AKAP11: variants seen among roughly 807,000 people sequenced by gnomAD.
AKAP11 encodes the protein A-kinase anchoring protein 11, also known as A-kinase anchor protein 11.
Under a neutral mutation model 146.1 loss-of-function variants are expected in AKAP11, and 36 were observed. The observed-to-expected ratio is 0.25, with a 90% CI of 0.19 to 0.33. AKAP11 has a LOEUF of 0.33. AKAP11 is among the 10% of genes least tolerant of loss of function. The pLI is 1.00. For missense variants in AKAP11, 2,201 were observed against 2,197.0 expected, an observed-to-expected ratio of 1.00 and a Z score of -0.04; for synonymous variants, 780 against 786.5, an observed-to-expected ratio of 0.99 and a Z score of 0.14.
At position 42,323,080 on chromosome 13, in the gene AKAP11, A is replaced by G. The variant is rs532603044; in HGVS notation, c.*3852A>G. 2 of 152,874 alleles carry G rather than the reference A, an allele frequency of 1.3e-5. No homozygotes were observed. The highest frequency in any genetic ancestry group is 1.9e-4 in the East Asian group (1 of 5,330). The allele number at this position is 152,874 out of a possible 1,614,324, so 9.5% of individuals were successfully genotyped here. ...CTTTTTTGCTTTTCAGTAATTTAAT[A>G]TGTTCACTTAACAAAATACGAACTT... On this transcript the variant is annotated 3_prime_UTR_variant, in exon 13 of 13. Transcript: ENST00000025301.
rs1594328252 is a variant in AKAP11 at position 42,298,599 on chromosome 13, T to G, written c.418T>G (p.Phe140Val). 2 of 1,612,688 alleles carry G rather than the reference T, an allele frequency of 1.2e-6. No individual in the cohort carries two copies. The highest frequency in any genetic ancestry group is 1.7e-6 in the Non-Finnish European group (2 of 1,179,342). The change falls in exon 7 of 13, where the codon TTT (phenylalanine) becomes GTT (valine). Residue 140 changes from phenylalanine (F) to valine (V), a missense_variant. By Grantham distance (50) the Phe-to-Val change is conservative. This residue lies in a region of AKAP11 where 331 missense variants were observed against 347.4 expected (regional missense o/e 0.95). Coordinates refer to ENST00000025301, the MANE Select transcript of AKAP11 (RefSeq NM_016248.4). ...SPTSPRLRID[F>V]IFSLLSKYAT... is the part of the protein sequence containing the mutation. ...TACATCACCAAGACTTAGGATTGAT[T>G]TTATCTTTAGTCTCCTAAGTAAATA...
intron 8 of AKAP11, among the ~76,000 whole-genome samples, chr13:42,307,730 A>G (rs939089878): frequency 4.6e-5 from 7 of 152,152 alleles, no homozygotes; most frequent in Non-Finnish European, 8.8e-5. Flanking sequence ...GATGGATGTT[A>G]TAAGAGGGGA....
At chr13:42,306,180 A>G (rs1209233357) in intron 8 of AKAP11, among the ~76,000 whole-genome samples, 1 of 152,248 alleles carries the variant, frequency 6.6e-6, no homozygotes, top group Admixed American at 6.5e-5. Flanking sequence ...TAGTATGATA[A>G]TAAACATAAT....
upstream of AKAP11, among the ~76,000 whole-genome samples, chr13:42,271,529 T>C (rs779112363): frequency 3.2e-4 from 49 of 152,168 alleles, no homozygotes; most frequent in Admixed American, 1.4e-3. Flanking sequence ...CCTTCGGATC[T>C]GGTGGGGCTG....
At chr13:42,287,728 T>C (rs978368744) in intron 3 of AKAP11, among the ~76,000 whole-genome samples, 1 of 152,226 alleles carries the variant, frequency 6.6e-6, no homozygotes, top group Non-Finnish European at 1.5e-5. Context: ...TTTATTATAC[T>C]TTTTCAGATT....
At chr13:42,291,655 G>A (rs183818255) in intron 3 of AKAP11, among the ~76,000 whole-genome samples, 45 of 152,292 alleles carry the variant, frequency 3.0e-4, no homozygotes, top group African/African-American at 8.2e-4. Context: ...ATCTTCACAG[G>A]TCTTGGGATG....
In AKAP11 at chr13:42,300,800, T is replaced by C. The variant is rs369832802; in HGVS notation, c.2054T>C (p.Val685Ala). 9.3e-6 allele frequency: 15 copies of C among 1,614,118 alleles called. No homozygotes were observed. The Admixed American group carries it at 1.2e-4, about 13-fold the overall frequency. The change falls in exon 8 of 13, where the codon GTA (valine) becomes GCA (alanine). Residue 685 changes from valine (V) to alanine (A), a missense_variant. By Grantham distance (64) the Val-to-Ala change is moderately conservative. Coordinates refer to ENST00000025301, the MANE Select transcript of AKAP11 (RefSeq NM_016248.4). Reference sequence around the variant, plus strand: ...GGGTCGTTTGACTTTGAAGACAAAGTAGTGAAGTTGTATGCAAAAGATTTG... The same window carrying C: ...GGGTCGTTTGACTTTGAAGACAAAGCAGTGAAGTTGTATGCAAAAGATTTG... ...QCGSFDFEDK[V>A]VKLYAKDLSE...
intron 11 of AKAP11, 102 bp downstream of exon 11, chr13:42,314,042 TAA>T (rs1304148727): frequency 2.7e-6 from 3 of 1,109,198 alleles, no homozygotes. Context: ...GTTATCAGTG[TAA>T]AACATTATAA....
At chr13:42,288,498 C>G (rs951750897) in intron 3 of AKAP11, among the ~76,000 whole-genome samples, 1 of 152,168 alleles carries the variant, frequency 6.6e-6, no homozygotes, top group African/African-American at 2.4e-5. Flanking sequence ...ATGCTTCTCC[C>G]AGGAATAACA....
At chr13:42,294,642 C>G (rs1455204031) in intron 4 of AKAP11, among the ~76,000 whole-genome samples, 1 of 152,060 alleles carries the variant, frequency 6.6e-6, no homozygotes, top group African/African-American at 2.4e-5. Context: ...CTCAAGTGAT[C>G]CATCCACCTC....
intron 1 of AKAP11, among the ~76,000 whole-genome samples, chr13:42,281,499 G>T (rs1352329109): frequency 6.6e-6 from 1 of 152,078 alleles, no homozygotes; most frequent in Non-Finnish European, 1.5e-5. Context: ...ATACAAAAAA[G>T]GTCAAGTAAT....
intron 1 of AKAP11, among the ~76,000 whole-genome samples, chr13:42,284,570 A>G (rs1362125467): frequency 6.6e-6 from 1 of 152,162 alleles, no homozygotes; most frequent in South Asian, 2.1e-4. Flanking sequence ...TGTTTTGATA[A>G]TTTTTGGTCC....
chr13:42,312,269 C>G (rs1175951750), intron 9 of AKAP11, among the ~76,000 whole-genome samples: 1 of 151,970 alleles, frequency 6.6e-6, no homozygotes, highest in East Asian at 1.9e-4. Context: ...AACATGGTTG[C>G]TTTTTTTAAA....
Position 42,302,845 on chromosome 13 carries a change from T to C in AKAP11, c.4099T>C (p.Tyr1367His). 6.2e-7 allele frequency: 1 copy of C among 1,614,068 alleles called. No homozygotes were observed. The highest frequency in any genetic ancestry group is 1.3e-5 in the African/African-American group (1 of 75,022). Residue 1367 changes from tyrosine to histidine, a missense_variant, in exon 8 of 13, where the codon TAT becomes CAT. Around this residue, in one of 3 missense-constraint regions of AKAP11, gnomAD observed 1,867 missense variants for 1,833.5 expected, o/e 1.02. Transcript: ENST00000025301. The stretch of plus-strand genomic sequence containing the variant: ...TAATAGTGAGTTGATAATGGATCAG[T>C]ATGCCAATAGGCTTGCCTACCGATC... ...GGNSELIMDQ[Y>H]ANRLAYRSVK...
At chr13:42,310,525 T>C (rs992586276) in intron 9 of AKAP11, among the ~76,000 whole-genome samples, 8 of 152,312 alleles carry the variant, frequency 5.3e-5, no homozygotes, top group African/African-American at 1.9e-4. Context: ...TACTGTTCTT[T>C]TCTGCTACAG....
Position 42,286,466 on chromosome 13 carries a change from C to T in AKAP11, c.51+67C>T, listed in dbSNP as rs1290224337. 1.1e-5 allele frequency: 13 copies of T among 1,191,802 alleles called. No individual in the cohort carries two copies. The East Asian group carries it at 3.3e-4, about 30-fold the overall frequency. The allele number at this position is 1,191,802 out of a possible 1,614,324, so 73.8% of individuals were successfully genotyped here. The stretch of plus-strand genomic sequence containing the variant: ...TTAAAATGTTGATTTTTTTTTAAGT[C>T]CTACAGCTATGATGTTTTGTTTAAA... On this transcript the variant is annotated intron_variant, in intron 3 of 12. Coordinates refer to ENST00000025301, the MANE Select transcript of AKAP11 (RefSeq NM_016248.4).
chr13:42,318,431 TTAAAG>T (rs1162227391), intron 12 of AKAP11, among the ~76,000 whole-genome samples: 50 of 152,182 alleles, frequency 3.3e-4, no homozygotes, highest in Non-Finnish European at 5.9e-5. Context: ...TTACACAAAA[TTAAAG>T]TAGTTTTTCA....
intron 12 of AKAP11, 135 bp from the exon 13 acceptor site, chr13:42,318,953 C>G: frequency 1.9e-6 from 2 of 1,075,098 alleles, no homozygotes; most frequent in Non-Finnish European, 2.6e-6. Flanking sequence ...GAGGGGAAGA[C>G]CTTGTTATAA....
At chr13:42,278,990 G>A (rs146527824) in intron 1 of AKAP11, among the ~76,000 whole-genome samples, 1 of 149,644 alleles carries the variant, frequency 6.7e-6, no homozygotes, top group African/African-American at 2.5e-5. Context: ...CTTGTTTTCC[G>A]GTTCATATAG....
Sources: allele counts gnomAD v4.1 joint callset (sites outside exome capture counted in the v4.1 genomes callset), GRCh38; gene constraint gnomAD v4.1.1; regional missense constraint gnomAD v4.1.1; transcripts MANE v1.5; gene names NCBI Gene and HGNC (gene_info 2026-07-23, HGNC 2026-07-21).